Variants in PACS2 observed in about 807,000 individuals in gnomAD.
PACS2 encodes the protein PACS1-like protein.
Under a neutral mutation model 113.0 loss-of-function variants are expected in PACS2, and 36 were observed. The observed-to-expected ratio is 0.32, with a 90% CI of 0.24 to 0.42. The LOEUF (loss-of-function observed/expected upper bound fraction) is 0.42. Ranked by LOEUF, PACS2 falls within the 10% of genes least tolerant of loss-of-function variation. The pLI is 1.00. For synonymous variants in PACS2, 589 were observed against 536.1 expected (o/e 1.10, Z -1.36); for missense variants, 1,015 against 1,239.5 (o/e 0.82, Z 2.72).
intron 7 of PACS2, 81 bp from the exon 8 acceptor site, chr14:105,369,760 G>C: frequency 7.9e-7 from 1 of 1,270,232 alleles, no homozygotes; most frequent in Non-Finnish European, 1.1e-6. Flanking sequence ...GCCTGGGTGC[G>C]GCCTGGGCCT....
chr14:105,311,077 C>T (rs1270399415), upstream of PACS2, among the ~76,000 whole-genome samples: 9 of 152,078 alleles, frequency 5.9e-5, no homozygotes, highest in Non-Finnish European at 1.2e-4. Context: ...CTCAGCCTCC[C>T]GAGTAGCTGG....
At chr14:105,321,949 T>C (rs1194470626) in intron 1 of PACS2, among the ~76,000 whole-genome samples, 2 of 152,150 alleles carry the variant, frequency 1.3e-5, no homozygotes, top group Non-Finnish European at 2.9e-5. Flanking sequence ...TTCTGACTTT[T>C]TTTTTTTTGA....
rs781846887 is a variant in PACS2, at chr14:105,352,416, G to T, written c.246G>T (p.Leu82=). The change falls in exon 3 of 25, where the codon CTG becomes CTT. Residue 82 remains leucine (L), a synonymous_variant. Coordinates refer to ENST00000447393, the MANE Select transcript of PACS2 (RefSeq NM_001100913.3). ...TCCTGCGGTCCCATGAGATTGTGCT[G>T]CCCCCCAGTGGACAAGTGGAGACAG... is the stretch of plus-strand genomic sequence containing the variant. ...KRILRSHEIV[L]PPSGQVETDL... is the part of the protein sequence containing the mutation. The T allele has an allele frequency of 6.2e-7, 1 of 1,612,906 alleles. No individual in the cohort carries two copies. The highest frequency in any genetic ancestry group is 8.5e-7 in the Non-Finnish European group (1 of 1,179,076).
At chr14:105,364,894 C>T (rs1038034642) in intron 4 of PACS2, among the ~76,000 whole-genome samples, 1 of 152,032 alleles carries the variant, frequency 6.6e-6, no homozygotes, top group Non-Finnish European at 1.5e-5. Context: ...ATAAGAGTTT[C>T]GCCATGTTGC....
In PACS2 at chr14:105,369,889, G is replaced by C. The variant is rs782043163; in HGVS notation, c.790G>C (p.Val264Leu). 6.2e-6 allele frequency: 10 copies of C among 1,603,606 alleles called. No homozygotes were observed. The South Asian group carries it at 1.1e-4, about 18-fold the overall frequency. ...GGTAGCGCTGCTGCGGAGGTTCAAA[G>C]TGTCCGACGAGGTGAGTGCGCCGCG... ...KVVALLRRFK[V>L]SDEVLDSEQD... Residue 264 changes from valine to leucine, a missense_variant, in exon 8 of 25, where the codon GTG becomes CTG. Physicochemically the swap from Val to Leu is conservative, Grantham distance 32 (BLOSUM62 1). This residue lies in a region of PACS2 where 859 missense variants were observed against 1,056.8 expected (regional missense o/e 0.81). Transcript: ENST00000447393.
intron 1 of PACS2, among the ~76,000 whole-genome samples, chr14:105,331,110 A>C (rs1018892943): frequency 1.3e-5 from 2 of 151,952 alleles, no homozygotes; most frequent in Non-Finnish European, 2.9e-5. Context: ...ATGCACCGTC[A>C]CACCCAGCTA....
intron 2 of PACS2, among the ~76,000 whole-genome samples, chr14:105,351,874 A>G (rs2060193525): frequency 6.6e-6 from 1 of 152,196 alleles, no homozygotes; most frequent in African/African-American, 2.4e-5. Context: ...AAAATGCTTT[A>G]AGCCAAGCAT....
intron 4 of PACS2, 142 bp from the exon 5 acceptor site, chr14:105,367,071 C>T (rs1454291151): frequency 5.7e-6 from 4 of 702,368 alleles, no homozygotes; most frequent in Non-Finnish European, 9.5e-6. Flanking sequence ...ACTGGATGCT[C>T]CCTGCCCTGT....
At position 105,348,721 on chromosome 14, in the gene PACS2, G is replaced by A. The variant is rs1211007658; in HGVS notation, c.207+141G>A. 2 of 676,216 alleles carry A rather than the reference G, an allele frequency of 3.0e-6. No individual in the cohort carries two copies. The highest frequency in any genetic ancestry group is 3.1e-5 in the South Asian group (2 of 65,508). 41.9% of individuals were successfully genotyped at this position (676,216 alleles called of 1,614,324 possible). A position where few individuals can be genotyped will look rare whatever the true frequency, so the allele number is the denominator to read the frequency against. ...CCATGCCATCTCCGGGAGCCCGGGG[G>A]GCTGGGAATGACAGGATGCTCCTGG... On this transcript the variant is annotated intron_variant, in intron 2 of 24. Coordinates refer to ENST00000447393, the MANE Select transcript of PACS2 (RefSeq NM_001100913.3). This position sits in a 1 kb window ranked among gnomAD's most constrained non-coding sequence, Gnocchi z 6.4.
In PACS2 at chr14:105,382,888, A is replaced by C; in HGVS notation, c.1600A>C (p.Thr534Pro). Reference sequence around the variant, plus strand: ...TGCGGACGTCCAGGCGGCCTTCAGCACCATCGTCTCACGGATACAGAGATA... The same window carrying C: ...TGCGGACGTCCAGGCGGCCTTCAGCCCCATCGTCTCACGGATACAGAGATA... ...SPADVQAAFS[T>P]IVSRIQRYCN... The change falls in exon 15 of 25, where the codon ACC (threonine) becomes CCC (proline). Residue 534 changes from threonine to proline, a missense_variant. Thr to Pro is a conservative substitution (Grantham distance 38). Around this residue, in one of 3 missense-constraint regions of PACS2, gnomAD observed 859 missense variants for 1,056.8 expected, o/e 0.81. Transcript: ENST00000447393. 1 of 1,604,620 alleles carries C rather than the reference A, an allele frequency of 6.2e-7. No homozygotes were observed. The highest frequency in any genetic ancestry group is 8.5e-7 in the Non-Finnish European group (1 of 1,177,138).
Position 105,364,700 on chromosome 14 carries a change from T to C in PACS2, c.424-2513T>C, listed in dbSNP as rs587772822. Among the ~76,000 whole-genome samples the C allele has an allele frequency of 9.1e-3, 1,345 of 147,700 alleles. 22 individuals are homozygous for C. The highest frequency in any genetic ancestry group is 0.028 in the African/African-American group (1,139 of 40,496). On this transcript the variant is annotated intron_variant, in intron 4 of 24. Coordinates refer to ENST00000447393, the MANE Select transcript of PACS2 (RefSeq NM_001100913.3). Reference sequence around the variant, plus strand: ...ATCCTGAGCAATTTTCTTTTCTTTTTTTTTTTTTTTTTTTGAGACGGGGTC... The same window carrying C: ...ATCCTGAGCAATTTTCTTTTCTTTTCTTTTTTTTTTTTTTGAGACGGGGTC...
chr14:105,347,618 G>A (rs1199906785), intron 1 of PACS2, among the ~76,000 whole-genome samples: 6 of 152,210 alleles, frequency 3.9e-5, no homozygotes, highest in Non-Finnish European at 7.3e-5. Context: ...GCCGGGCAGG[G>A]CAGACAGTGC....
intron 19 of PACS2, among the ~76,000 whole-genome samples, chr14:105,386,316 A>T (rs1314138734): frequency 6.6e-6 from 1 of 152,114 alleles, no homozygotes; most frequent in African/African-American, 2.4e-5. Context: ...GGCCCCCTAC[A>T]CACTGCAGAG....
In PACS2 at chr14:105,315,178, C is replaced by A; in HGVS notation, c.119+141C>A. On this transcript the variant is annotated intron_variant, in intron 1 of 24. Transcript: ENST00000447393. The surrounding 1 kb of genome is among the most constrained non-coding windows in gnomAD (Gnocchi z 4.4). ...CCCGCGCCCCCGCCCGCCGGTTCGA[C>A]GCGTGCAGCCGCCGCCCCCCCGCAG... 1 of 340,856 alleles carries A rather than the reference C, an allele frequency of 2.9e-6. No individual in the cohort carries two copies. The highest frequency in any genetic ancestry group is 4.3e-6 in the Non-Finnish European group (1 of 233,958). The allele number at this position is 340,856 out of a possible 1,614,324, so 21.1% of individuals were successfully genotyped here.
rs146465914 is a variant in PACS2 at position 105,304,241 on chromosome 14, C to T, written c.-83+3262C>T. The stretch of plus-strand genomic sequence containing the variant: ...GCTCGGTGGCTCAGGACTGTAATCC[C>T]AGCACTTTGGGAGGCTGAGGAGGGC... On this transcript the variant is annotated intron_variant, in intron 1 of 23. Coordinates refer to the PACS2 transcript ENST00000430725. 4.8e-3 allele frequency among the ~76,000 whole-genome samples: 730 copies of T among 152,262 alleles called. 7 individuals are homozygous for T. The highest frequency in any genetic ancestry group is 0.017 in the African/African-American group (703 of 41,536).
intron 7 of PACS2, 71 bp downstream of exon 7, chr14:105,368,610 G>A: frequency 1.3e-5 from 15 of 1,172,350 alleles, no homozygotes; most frequent in Non-Finnish European, 1.8e-5. Context: ...GCCTGGGCGT[G>A]GGGGGGACAC....
chr14:105,342,279 TGA>T (rs149088527), intron 1 of PACS2, among the ~76,000 whole-genome samples: 9 of 151,058 alleles, frequency 6.0e-5, no homozygotes, highest in Non-Finnish European at 1.0e-4. Flanking sequence ...TGTCTATGTG[TGA>T]GAGAGAGAGA....
At chr14:105,319,842 T>C (rs950450092) in intron 1 of PACS2, among the ~76,000 whole-genome samples, 1 of 152,252 alleles carries the variant, frequency 6.6e-6, no homozygotes, top group African/African-American at 2.4e-5. Flanking sequence ...AGTCTCATCC[T>C]ATTCATGACT....
intron 21 of PACS2, 84 bp from the exon 22 acceptor site, chr14:105,391,546 TG>T: frequency 1.6e-6 from 1 of 617,438 alleles, no homozygotes; most frequent in Non-Finnish European, 2.6e-6. Context: ...CTGCCTGGCC[TG>T]GCCACATCCT....
Sources: allele counts gnomAD v4.1 joint callset (sites outside exome capture counted in the v4.1 genomes callset), GRCh38; gene constraint gnomAD v4.1.1; regional missense constraint gnomAD v4.1.1; non-coding constraint Gnocchi (gnomAD v3.1); transcripts MANE v1.5; gene names NCBI Gene and HGNC (gene_info 2026-07-23, HGNC 2026-07-21).